Variants in IKZF2 observed in about 807,000 individuals in gnomAD.
IKZF2 encodes IKAROS family zinc finger 2.
IKZF2 carries 15 observed loss-of-function variants against 49.2 expected under a neutral mutation model. That is an observed-to-expected ratio of 0.30 (90% CI 0.20 to 0.47). IKZF2 has a LOEUF of 0.47. Ranked by LOEUF, IKZF2 falls within the 20% of genes least tolerant of loss-of-function variation. IKZF2 has a pLI of 1.00. For synonymous variants in IKZF2, 227 were observed against 221.4 expected (o/e 1.03, Z -0.23); for missense variants, 567 against 664.6 (o/e 0.85, Z 1.61).
intron 1 of IKZF2, 94 bp from the exon 2 acceptor site, chr2:213,150,341 G>A (rs772174337): frequency 1.2e-5 from 5 of 417,408 alleles, no homozygotes; most frequent in African/African-American, 4.2e-5. Flanking sequence ...GCCCCCTGCA[G>A]AGTTCAAGGG....
At chr2:213,115,740 C>T (rs2059849627) in intron 4 of IKZF2, among the ~76,000 whole-genome samples, 1 of 152,152 alleles carries the variant, frequency 6.6e-6, no homozygotes, top group Non-Finnish European at 1.5e-5. Context: ...TGGTATTAGA[C>T]CAAGTTTTTC....
chr2:213,047,626 C>T (rs1321023653), intron 6 of IKZF2, among the ~76,000 whole-genome samples: 4 of 152,016 alleles, frequency 2.6e-5, no homozygotes, highest in Non-Finnish European at 5.9e-5. Context: ...GCTGAGAATA[C>T]TCACTAGCTA....
rs1339527695 is a variant in IKZF2, at chr2:213,057,083, T to A, written c.156A>T (p.Leu52=). The change falls in exon 5 of 9, where the codon CTA becomes CTT. Residue 52 remains leucine, a synonymous_variant. Transcript: ENST00000434687. ...SHMTSTNSVK[L]EMQSDEECDR... is the part of the protein sequence containing the mutation. ...CACACTCTTCATCACTCTGCATTTCTAGCTTTACTGAATTTGCTGTAATTT... is the reference window on the plus strand; with the variant it reads ...CACACTCTTCATCACTCTGCATTTCAAGCTTTACTGAATTTGCTGTAATTT... The A allele has an allele frequency of 1.2e-6, 2 of 1,611,994 alleles. No homozygotes were observed. The highest frequency in any genetic ancestry group is 2.2e-5 in the East Asian group (1 of 44,870).
chr2:213,128,804 C>CTTTTTTTTTTTTTTTTTT (rs1184422126), intron 4 of IKZF2, among the ~76,000 whole-genome samples: 5 of 113,182 alleles, frequency 4.4e-5, no homozygotes, highest in East Asian at 2.6e-4. Context: ...ATTTTTTTTT[C>CTTTTTTTTTTTTTTTTTT]TTTTTTTTTT....
intron 4 of IKZF2, among the ~76,000 whole-genome samples, chr2:213,070,597 C>A (rs539460446): frequency 1.3e-5 from 2 of 152,200 alleles, no homozygotes; most frequent in African/African-American, 2.4e-5. Context: ...ACAGTATACA[C>A]ACTAGACACT....
chr2:213,097,542 G>T (rs976449246), intron 4 of IKZF2, among the ~76,000 whole-genome samples: 27 of 152,026 alleles, frequency 1.8e-4, no homozygotes, highest in African/African-American at 6.3e-4. Flanking sequence ...ATGTCCAGTA[G>T]ATGAGTTATT....
At chr2:213,117,795 T>G (rs1281433354) in intron 4 of IKZF2, among the ~76,000 whole-genome samples, 1 of 152,252 alleles carries the variant, frequency 6.6e-6, no homozygotes, top group Non-Finnish European at 1.5e-5. Context: ...GTTTGTATAA[T>G]ACTATTAACC....
intron 6 of IKZF2, among the ~76,000 whole-genome samples, chr2:213,039,045 A>C (rs538119328): frequency 6.6e-6 from 1 of 152,078 alleles, no homozygotes; most frequent in Non-Finnish European, 1.5e-5. Context: ...GATATGAAGA[A>C]GACCATCTTG....
chr2:213,127,998 TAA>T (rs149494805), intron 4 of IKZF2, among the ~76,000 whole-genome samples: 3,354 of 152,068 alleles, frequency 0.022, 112 homozygotes, highest in African/African-American at 0.075. Context: ...AAAAGCTAAA[TAA>T]AGTTACCATT....
At chr2:213,138,915 G>A (rs538272340) in intron 4 of IKZF2, among the ~76,000 whole-genome samples, 69 of 151,950 alleles carry the variant, frequency 4.5e-4, no homozygotes, top group African/African-American at 1.6e-3. Flanking sequence ...TTTCCTAGGT[G>A]GTAGTGCTAT....
chr2:213,028,000 T>C (rs1698000099), intron 6 of IKZF2, among the ~76,000 whole-genome samples: 1 of 152,152 alleles, frequency 6.6e-6, no homozygotes, highest in Non-Finnish European at 1.5e-5. Context: ...AACAAATAAA[T>C]ATGTGTTTAA....
intron 4 of IKZF2, among the ~76,000 whole-genome samples, chr2:213,136,370 C>CAAAAAAAAAAAAAAAAAAAAAAAAA (rs11325415): frequency 3.7e-5 from 2 of 53,596 alleles, no homozygotes; most frequent in African/African-American, 7.0e-5. Context: ...GACACTGTCT[C>CAAAAAAAAAAAAAAAAAAAAAAAAA]AAAAAAAAAA....
intron 7 of IKZF2, among the ~76,000 whole-genome samples, chr2:213,015,639 T>C (rs1308144105): frequency 2.0e-5 from 3 of 152,028 alleles, no homozygotes; most frequent in Non-Finnish European, 1.5e-5. Flanking sequence ...GGTCAAAATC[T>C]TAACTTTTTG....
intron 4 of IKZF2, among the ~76,000 whole-genome samples, chr2:213,135,985 G>C (rs1451318393): frequency 6.6e-6 from 1 of 151,172 alleles, no homozygotes; most frequent in Non-Finnish European, 1.5e-5. Flanking sequence ...AGGAGGCGGA[G>C]GTTGCAGTGA....
chr2:213,089,281 C>G (rs1246211635), intron 4 of IKZF2, among the ~76,000 whole-genome samples: 1 of 152,164 alleles, frequency 6.6e-6, no homozygotes. Flanking sequence ...CTCACCACCC[C>G]CACTGCTCCT....
At chr2:213,084,010 C>T (rs994685229) in intron 4 of IKZF2, among the ~76,000 whole-genome samples, 1 of 152,050 alleles carries the variant, frequency 6.6e-6, no homozygotes, top group African/African-American at 2.4e-5. Context: ...TTCCACAAAA[C>T]CAGTACTTGG....
At chr2:213,101,614 TA>T (rs1442812254) in intron 4 of IKZF2, among the ~76,000 whole-genome samples, 2 of 152,152 alleles carry the variant, frequency 1.3e-5, no homozygotes, top group African/African-American at 4.8e-5. Flanking sequence ...AATTTAATTT[TA>T]AAAAGCAATT....
intron 4 of IKZF2, among the ~76,000 whole-genome samples, chr2:213,060,405 T>C (rs1359130511): frequency 6.6e-6 from 1 of 151,402 alleles, no homozygotes; most frequent in East Asian, 1.9e-4. Context: ...TTAACCACTG[T>C]ACAATAATAT....
At position 213,084,727 on chromosome 2, in the gene IKZF2, G is replaced by A. The variant is rs1704373657; in HGVS notation, c.140-27628C>T. 2.6e-5 allele frequency among the ~76,000 whole-genome samples: 4 copies of A among 152,136 alleles called. No individual in the cohort carries two copies. The South Asian group carries it at 8.3e-4, about 32-fold the overall frequency. On this transcript the variant is annotated intron_variant, in intron 4 of 8. Coordinates refer to ENST00000434687, the MANE Select transcript of IKZF2 (RefSeq NM_001387220.1). ...TTTACACATGAAAAAATATTATCAT[G>A]CCTTCTCTAATCTGAAAGAATAAAA...
Sources: allele counts gnomAD v4.1 joint callset (sites outside exome capture counted in the v4.1 genomes callset), GRCh38; gene constraint gnomAD v4.1.1; transcripts MANE v1.5; gene names NCBI Gene and HGNC (gene_info 2026-07-23, HGNC 2026-07-21).